The following LMAN2L variants were observed in gnomAD, a reference collection of about 807,000 sequenced individuals.
The protein encoded by LMAN2L is VIP36-like protein.
A neutral mutation model predicts 44.3 loss-of-function variants in LMAN2L; 30 were observed. That is an observed-to-expected ratio of 0.68 (90% CI 0.51 to 0.92). The LOEUF (loss-of-function observed/expected upper bound fraction) is 0.92. LMAN2L is among the 40% of genes least tolerant of loss of function. The pLI is 0.00. For missense variants in LMAN2L, 429 were observed against 446.1 expected (o/e 0.96, Z 0.35); for synonymous variants, 183 against 171.1 (o/e 1.07, Z -0.54).
chr2:96,715,227 G>A (rs1054023527), intron 4 of LMAN2L, among the ~76,000 whole-genome samples: 8 of 152,136 alleles, frequency 5.3e-5, no homozygotes, highest in African/African-American at 1.9e-4. Flanking sequence ...GTGAGCCACC[G>A]CACCCAGCCA....
intron 1 of LMAN2L, 65 bp downstream of exon 1, chr2:96,739,789 C>G (rs982442191): frequency 6.5e-7 from 1 of 1,546,296 alleles, no homozygotes; most frequent in South Asian, 1.1e-5. Flanking sequence ...GCCCCCGCCT[C>G]TACCCCTGAA....
At chr2:96,729,416 A>G (rs1329340743) in intron 4 of LMAN2L, among the ~76,000 whole-genome samples, 1 of 152,138 alleles carries the variant, frequency 6.6e-6, no homozygotes, top group African/African-American at 2.4e-5. Context: ...AATACAGACT[A>G]TAAGGAGGTT....
chr2:96,729,168 T>C (rs902897506), intron 4 of LMAN2L, among the ~76,000 whole-genome samples: 2 of 151,338 alleles, frequency 1.3e-5, no homozygotes, highest in African/African-American at 2.4e-5. Flanking sequence ...CAAGACTCTG[T>C]CTCAAAAAAA....
chr2:96,729,468 A>G (rs145363572), intron 4 of LMAN2L, among the ~76,000 whole-genome samples: 202 of 152,274 alleles, frequency 1.3e-3, no homozygotes, highest in African/African-American at 4.4e-3. Context: ...CCTGGCACAC[A>G]GCAGCCATCT....
intron 4 of LMAN2L, among the ~76,000 whole-genome samples, chr2:96,729,828 A>G (rs979028549): frequency 1.3e-5 from 2 of 152,128 alleles, no homozygotes; most frequent in Non-Finnish European, 1.5e-5. Context: ...TTATAAGGAT[A>G]AAAGGAACCC....
chr2:96,722,601 A>C (rs1297801666), intron 4 of LMAN2L, among the ~76,000 whole-genome samples: 1 of 152,182 alleles, frequency 6.6e-6, no homozygotes, highest in Non-Finnish European at 1.5e-5. Context: ...CTCGCCCACC[A>C]TTCACCTGCT....
chr2:96,730,875 A>G (rs767637003), intron 4 of LMAN2L, among the ~76,000 whole-genome samples: 9 of 152,076 alleles, frequency 5.9e-5, no homozygotes, highest in Non-Finnish European at 7.4e-5. Context: ...GGGTTTCGCC[A>G]TGTTGGCCAG....
At position 96,707,753 on chromosome 2, in the gene LMAN2L, C is replaced by T. The variant is rs1200114861; in HGVS notation, c.865G>A (p.Val289Met). The T allele has an allele frequency of 3.7e-6, 6 of 1,614,030 alleles. No individual in the cohort carries two copies. Among genetic ancestry groups the T allele is most frequent in the African/African-American group, 1.3e-5 (1 of 74,920 alleles). Reference sequence around the variant, plus strand: ...ATATTGTCCACTGAGGGCAAGAACACATCTCGATGGAGCTTTTCCTCTTCT... The same window carrying T: ...ATATTGTCCACTGAGGGCAAGAACATATCTCGATGGAGCTTTTCCTCTTCT... ...TPEEEKLHRD[V>M]FLPSVDNMKL... Residue 289 changes from valine to methionine, a missense_variant, in exon 7 of 8, where the codon GTG (valine) becomes ATG (methionine). Coordinates refer to ENST00000264963, the MANE Select transcript of LMAN2L (RefSeq NM_030805.4).
chr2:96,740,015 C>T lies in LMAN2L; in HGVS notation c.26G>A (p.Gly9Glu), dbSNP rs2078603002. The part of the protein sequence containing the change: MAATLGPL[G>E]SWQQWRRCLS... Reference sequence around the variant, plus strand: ...ACATCGCCGCCACTGCTGCCACGACCCAAGGGGTCCCAGAGTCGCCGCCAT... The same window carrying T: ...ACATCGCCGCCACTGCTGCCACGACTCAAGGGGTCCCAGAGTCGCCGCCAT... Residue 9 changes from glycine to glutamate, a missense_variant, in exon 1 of 8, where the codon GGG (glycine) becomes GAG (glutamate). By Grantham distance (98) the Gly-to-Glu change is moderately conservative (BLOSUM62 -2). Coordinates refer to ENST00000264963, the MANE Select transcript of LMAN2L (RefSeq NM_030805.4). The T allele has an allele frequency of 1.2e-6, 2 of 1,612,582 alleles. No homozygotes were observed. The highest frequency in any genetic ancestry group is 2.2e-5 in the East Asian group (1 of 44,862).
chr2:96,729,524 T>C (rs2153332569), intron 4 of LMAN2L, among the ~76,000 whole-genome samples: 1 of 152,238 alleles, frequency 6.6e-6, no homozygotes, highest in African/African-American at 2.4e-5. Flanking sequence ...GCTTTTTTTT[T>C]TGAGACAGAG....
intron 7 of LMAN2L, 61 bp from the exon 8 acceptor site, chr2:96,707,459 A>C (rs2077809441): frequency 1.3e-6 from 2 of 1,547,284 alleles, no homozygotes; most frequent in African/African-American, 1.4e-5. Context: ...GGGAAGGATC[A>C]AACTATAGGC....
At chr2:96,736,024 G>C (rs1574031297) in intron 2 of LMAN2L, among the ~76,000 whole-genome samples, 1 of 152,204 alleles carries the variant, frequency 6.6e-6, no homozygotes, top group African/African-American at 2.4e-5. Flanking sequence ...CAAAAAAATA[G>C]CTTTCAGAGA....
intron 4 of LMAN2L, among the ~76,000 whole-genome samples, chr2:96,716,114 C>G (rs1171425721): frequency 6.6e-6 from 1 of 152,186 alleles, no homozygotes; most frequent in South Asian, 2.1e-4. Flanking sequence ...CACGAATTCC[C>G]AGACCACTGG....
At chr2:96,732,868 C>A (rs1311085510) in intron 4 of LMAN2L, among the ~76,000 whole-genome samples, 9 of 150,940 alleles carry the variant, frequency 6.0e-5, no homozygotes, top group Non-Finnish European at 1.3e-4. Flanking sequence ...CTTGCCTCAG[C>A]CTCCCGAGTA....
intron 4 of LMAN2L, among the ~76,000 whole-genome samples, chr2:96,712,845 A>T (rs2077957356): frequency 6.6e-6 from 1 of 152,236 alleles, no homozygotes; most frequent in African/African-American, 2.4e-5. Flanking sequence ...GAAATGGCGA[A>T]CTAATCATTC....
intron 4 of LMAN2L, among the ~76,000 whole-genome samples, chr2:96,713,675 G>A (rs987180265): frequency 6.6e-6 from 1 of 152,268 alleles, no homozygotes; most frequent in Non-Finnish European, 1.5e-5. Context: ...TGCCACTTGA[G>A]AGACTATGAA....
chr2:96,714,132 T>C (rs1186756209), intron 4 of LMAN2L, among the ~76,000 whole-genome samples: 2 of 152,100 alleles, frequency 1.3e-5, no homozygotes, highest in Admixed American at 6.5e-5. Flanking sequence ...AAAAATGCTA[T>C]AAGGAAAATA....
At chr2:96,738,246 A>C (rs2078557714) in intron 1 of LMAN2L, among the ~76,000 whole-genome samples, 179 bp from the exon 2 acceptor site, 1 of 152,174 alleles carries the variant, frequency 6.6e-6, no homozygotes, top group Non-Finnish European at 1.5e-5. Context: ...GGCCTTTATC[A>C]GGTAAGGACC....
chr2:96,725,993 G>A (rs981076980), intron 4 of LMAN2L, among the ~76,000 whole-genome samples: 3 of 151,740 alleles, frequency 2.0e-5, no homozygotes. Context: ...TTAGCCAGGC[G>A]TGGTAGCACG....
Sources: allele counts gnomAD v4.1 joint callset (sites outside exome capture counted in the v4.1 genomes callset), GRCh38; gene constraint gnomAD v4.1.1; transcripts MANE v1.5; gene names NCBI Gene and HGNC (gene_info 2026-07-23, HGNC 2026-07-21).